The following PCNX4 variants were observed in gnomAD, a reference collection of about 807,000 sequenced individuals.
PCNX4 encodes pecanex-like protein 4.
PCNX4 carries 103 observed loss-of-function variants against 107.2 expected under a neutral mutation model. The ratio of observed to expected loss-of-function variants is 0.96; its 90% CI spans 0.82 to 1.13. PCNX4 has a LOEUF of 1.13. PCNX4 is among the 50% of genes most tolerant of loss of function. The pLI, the probability that PCNX4 is intolerant of heterozygous loss-of-function variation, is 0.00. For missense variants in PCNX4, 1,528 were observed against 1,379.4 expected (o/e 1.11, Z -1.71); for synonymous variants, 541 against 481.7 (o/e 1.12, Z -1.61).
chr14:60,102,069 G>A (rs1169929207), intron 1 of PCNX4, among the ~76,000 whole-genome samples: 1 of 152,164 alleles, frequency 6.6e-6, no homozygotes, highest in Non-Finnish European at 1.5e-5. Context: ...AGAGAATGGG[G>A]GGAGGGAAAA....
rs1896259467 is a variant in PCNX4 at position 60,137,914 on chromosome 14, C to G, written c.*3693C>G. ...ACCATCCTGGCTAACACAATGAAAC[C>G]CCATCTGTAGTAAAAATAAAAAAAA... On this transcript the variant is annotated 3_prime_UTR_variant, in exon 11 of 11. Transcript: ENST00000406854. 6.6e-6 allele frequency: 1 copy of G among 151,534 alleles called. No homozygotes were observed. The highest frequency in any genetic ancestry group is 2.4e-5 in the African/African-American group (1 of 41,126). The allele number at this position is 151,534 out of a possible 1,614,324, so 9.4% of individuals were successfully genotyped here.
chr14:60,121,197 T>G lies in PCNX4; in HGVS notation c.1944T>G (p.Gly648=). The G allele has an allele frequency of 6.5e-7, 1 of 1,531,292 alleles. No individual in the cohort carries two copies. 94.9% of individuals were successfully genotyped at this position (1,531,292 alleles called of 1,614,324 possible). A position where few individuals can be genotyped will look rare whatever the true frequency, so the allele number is the denominator to read the frequency against. The change falls in exon 8 of 11, where the codon GGT becomes GGG. Residue 648 remains glycine (G), a splice_region_variant and synonymous_variant. Coordinates refer to ENST00000406854, the MANE Select transcript of PCNX4 (RefSeq NM_001330177.2). ...TTTTTTTTTTCTAATTTGTTGTAGG[T>G]CTCCTCCTACCTGGATCTCATTACT... ...LQTAMAAGSL[G]LLLPGSHYLG... is the part of the protein sequence containing the mutation.
chr14:60,125,804 T>C lies in PCNX4; in HGVS notation c.3248T>C (p.Leu1083Pro). Residue 1083 changes from leucine to proline, a missense_variant, in exon 10 of 11, where the codon CTG becomes CCG. By Grantham distance (98) the Leu-to-Pro change is moderately conservative. Transcript: ENST00000406854. ...CAAGAAAAGCCATACTTGTTTTCTC[T>C]GGGGTATGATTCTAATATGGTAAGG... ...ILQEKPYLFS[L>P]GYDSNMGIYT... is the part of the protein sequence containing the mutation. The C allele has an allele frequency of 6.2e-7, 1 of 1,608,160 alleles. No homozygotes were observed. The highest frequency in any genetic ancestry group is 8.5e-7 in the Non-Finnish European group (1 of 1,177,748).
rs1012558112 is a variant in PCNX4, at chr14:60,115,799, T to G, written c.1438T>G (p.Phe480Val). 6 of 1,612,060 alleles carry G rather than the reference T, an allele frequency of 3.7e-6. No homozygotes were observed. In the Admixed American group the frequency reaches 5.0e-5, roughly 13 times the overall value. ...GLHSVSVCIG[F>V]TRAFRMVWQN... is the part of the protein sequence containing the mutation. ...CCACTCAGTGTCTGTCTGTATTGGA[T>G]TCACAAGAGCCTTTAGAATGGTAAT... Residue 480 changes from phenylalanine (F) to valine (V), a missense_variant, in exon 5 of 11, where the codon TTC (phenylalanine) becomes GTC (valine). Transcript: ENST00000406854.
intron 2 of PCNX4, among the ~76,000 whole-genome samples, chr14:60,113,935 G>A (rs1414351678): frequency 1.3e-5 from 2 of 152,186 alleles, no homozygotes; most frequent in African/African-American, 4.8e-5. Flanking sequence ...GTTAAGTGCT[G>A]TGCCAAGTTT....
chr14:60,116,889 T>TA (rs1252762281), intron 6 of PCNX4, among the ~76,000 whole-genome samples: 2 of 152,152 alleles, frequency 1.3e-5, no homozygotes, highest in African/African-American at 4.8e-5. Flanking sequence ...CCTAGACTGA[T>TA]ACGTGTTTTT....
rs763060914 is a variant in PCNX4, at chr14:60,125,186, G to T, written c.3015G>T (p.Trp1005Cys). The change falls in exon 9 of 11, where the codon TGG (tryptophan) becomes TGT (cysteine). Residue 1005 changes from tryptophan to cysteine, a missense_variant. Physicochemically the swap from Trp to Cys is radical, Grantham distance 215. Transcript: ENST00000406854. ...GAGTTTACGGTGGTGTTTTGCCTTG[G>T]TCTGTTGCTTTGGACTGGCTCACAG... ...ILRVYGGVLP[W>C]SVALDWLTEK... is the part of the protein sequence containing the mutation. 3 of 1,610,828 alleles carry T rather than the reference G, an allele frequency of 1.9e-6. No individual in the cohort carries two copies. The highest frequency in any genetic ancestry group is 1.3e-5 in the African/African-American group (1 of 74,898).
intron 4 of PCNX4, 69 bp from the exon 5 acceptor site, chr14:60,115,650 C>G: frequency 7.0e-7 from 1 of 1,429,428 alleles, no homozygotes; most frequent in East Asian, 2.3e-5. Context: ...TGTGTATTTG[C>G]CAGAATAAAA....
In PCNX4 at chr14:60,125,063, C is replaced by A. The variant is rs1197379352; in HGVS notation, c.2892C>A (p.Asp964Glu). 3 of 1,613,398 alleles carry A rather than the reference C, an allele frequency of 1.9e-6. No individual in the cohort carries two copies. The highest frequency in any genetic ancestry group is 1.3e-5 in the African/African-American group (1 of 74,876). Residue 964 changes from aspartate (D) to glutamate (E), a missense_variant, in exon 9 of 11, where the codon GAC (aspartate) becomes GAA (glutamate). Coordinates refer to ENST00000406854, the MANE Select transcript of PCNX4 (RefSeq NM_001330177.2). Reference sequence around the variant, plus strand: ...ATGTACTGGAAGAAATTGCCAAGGACAAAGTTTTAAAAGACTTTTATGTTC... The same window carrying A: ...ATGTACTGGAAGAAATTGCCAAGGAAAAAGTTTTAAAAGACTTTTATGTTC... ...ASNVLEEIAK[D>E]KVLKDFYVHT...
In PCNX4 at chr14:60,114,708, T is replaced by C; in HGVS notation, c.698T>C (p.Val233Ala). 5.0e-6 allele frequency: 8 copies of C among 1,611,316 alleles called. No homozygotes were observed. The highest frequency in any genetic ancestry group is 5.9e-6 in the Non-Finnish European group (7 of 1,178,364). ...VSVDLAHRFV[V>A]NMPALEHMNQ... Reference sequence around the variant, plus strand: ...TCTTTTTTTTTATATAGGTTTGTGGTAAATATGCCAGCTCTAGAACACATG... The same window carrying C: ...TCTTTTTTTTTATATAGGTTTGTGGCAAATATGCCAGCTCTAGAACACATG... The change falls in exon 3 of 11, where the codon GTA (valine) becomes GCA (alanine). Residue 233 changes from valine (V) to alanine (A), a missense_variant. Coordinates refer to ENST00000406854, the MANE Select transcript of PCNX4 (RefSeq NM_001330177.2).
chr14:60,098,232 C>A (rs1463855276), intron 1 of PCNX4, among the ~76,000 whole-genome samples: 4 of 152,104 alleles, frequency 2.6e-5, no homozygotes, highest in African/African-American at 4.8e-5. Context: ...AGAGACATTC[C>A]AACCCTACCA....
intron 10 of PCNX4, among the ~76,000 whole-genome samples, chr14:60,128,410 G>A (rs1361361877): frequency 6.6e-6 from 1 of 152,102 alleles, no homozygotes; most frequent in African/African-American, 2.4e-5. Context: ...AAGCAATGGA[G>A]GCCAGAAGCA....
At position 60,136,984 on chromosome 14, in the gene PCNX4, A is replaced by C. The variant is rs1435752785; in HGVS notation, c.*2763A>C. 1 of 152,474 alleles carries C rather than the reference A, an allele frequency of 6.6e-6. No homozygotes were observed. The highest frequency in any genetic ancestry group is 1.5e-5 in the Non-Finnish European group (1 of 68,050). The allele number at this position is 152,474 out of a possible 1,614,324, so 9.4% of individuals were successfully genotyped here. A position where few individuals can be genotyped will look rare whatever the true frequency, so the allele number is the denominator to read the frequency against. On this transcript the variant is annotated 3_prime_UTR_variant, in exon 11 of 11. Coordinates refer to ENST00000406854, the MANE Select transcript of PCNX4 (RefSeq NM_001330177.2). Reference sequence around the variant, plus strand: ...TGCAGTTTGGACTAACACTAACGTTACTGAATTTTCCCTAAAACCTACTTT... The same window carrying C: ...TGCAGTTTGGACTAACACTAACGTTCCTGAATTTTCCCTAAAACCTACTTT...
intron 10 of PCNX4, among the ~76,000 whole-genome samples, chr14:60,127,031 A>G (rs1280983695): frequency 6.6e-6 from 1 of 152,238 alleles, no homozygotes; most frequent in African/African-American, 2.4e-5. Context: ...ATTATTAACA[A>G]CAACAAAAGC....
chr14:60,115,589 T>G, intron 4 of PCNX4, 128 bp downstream of exon 4: 1 of 1,376,118 alleles, frequency 7.3e-7, no homozygotes, highest in African/African-American at 1.4e-5. Context: ...TATGTTATGG[T>G]TTTTTGTTTA....
rs886078149 is a variant in PCNX4, at chr14:60,095,791, T to TA, written c.-54+3384dup. 7.4e-3 allele frequency among the ~76,000 whole-genome samples: 968 copies of TA among 130,948 alleles called. 6 individuals are homozygous for TA. Among genetic ancestry groups the TA allele is most frequent in the African/African-American group, 0.022 (764 of 35,338 alleles). The allele number at this position is 130,948 out of a possible 152,430, so 85.9% of individuals were successfully genotyped here. ...CTAAGAGGTCATGTCCCATGAAGGT[T>TA]AAAAAAAAAAAATAGGAAGAGGAAA... On this transcript the variant is annotated intron_variant, in intron 1 of 10. Coordinates refer to ENST00000406854, the MANE Select transcript of PCNX4 (RefSeq NM_001330177.2).
At chr14:60,119,164 A>G (rs1895907979) in intron 7 of PCNX4, among the ~76,000 whole-genome samples, 1 of 152,210 alleles carries the variant, frequency 6.6e-6, no homozygotes, top group Non-Finnish European at 1.5e-5. Flanking sequence ...AGTCTGGACA[A>G]GATAACATAA....
chr14:60,106,394 A>G (rs187818812), intron 1 of PCNX4, among the ~76,000 whole-genome samples: 2 of 152,146 alleles, frequency 1.3e-5, no homozygotes, highest in African/African-American at 2.4e-5. Flanking sequence ...TAATAATGGG[A>G]AAAAAATCTG....
At chr14:60,098,738 A>AGACCAGCC (rs1428990974) in intron 1 of PCNX4, among the ~76,000 whole-genome samples, 1 of 152,160 alleles carries the variant, frequency 6.6e-6, no homozygotes, top group Admixed American at 6.5e-5. Context: ...CAGGAGTTCA[A>AGACCAGCC]GACCAGCCTG....
Sources: allele counts gnomAD v4.1 joint callset (sites outside exome capture counted in the v4.1 genomes callset), GRCh38; gene constraint gnomAD v4.1.1; transcripts MANE v1.5; gene names NCBI Gene and HGNC (gene_info 2026-07-23, HGNC 2026-07-21).